Variants in SMIM35 observed in about 807,000 individuals in gnomAD.
SMIM35 encodes the protein small integral membrane protein 35.
At chr11:118,035,230 T>G (rs187537470) in intron 1 of SMIM35, among the ~76,000 whole-genome samples, 5 of 147,398 alleles carry the variant, frequency 3.4e-5, no homozygotes, top group Admixed American at 7.5e-5. Flanking sequence ...CGTCTGAAAT[T>G]TAAACAACTT....
intron 1 of SMIM35, among the ~76,000 whole-genome samples, chr11:118,020,218 A>G (rs1438865821): frequency 1.3e-5 from 2 of 152,232 alleles, no homozygotes; most frequent in East Asian, 3.8e-4. Flanking sequence ...GTGAGCCAAG[A>G]TCGCACTAGT....
chr11:118,037,860 A>G (rs1167802394), intron 1 of SMIM35, among the ~76,000 whole-genome samples: 1 of 152,200 alleles, frequency 6.6e-6, no homozygotes, highest in African/African-American at 2.4e-5. Context: ...TCATCTAGAA[A>G]GAAGCTGCTG....
chr11:118,028,897 A>T (rs1216077773), intron 1 of SMIM35: 4 of 431,712 alleles, frequency 9.3e-6, no homozygotes, highest in South Asian at 6.7e-5. Flanking sequence ...GGAGGAGGGG[A>T]AGGAGGACAG....
At chr11:118,039,347 G>A (rs528050816) in intron 1 of SMIM35, among the ~76,000 whole-genome samples, 3 of 152,322 alleles carry the variant, frequency 2.0e-5, no homozygotes, top group Non-Finnish European at 2.9e-5. Context: ...AACTGGATCA[G>A]ACCAACACAG....
intron 1 of SMIM35, among the ~76,000 whole-genome samples, chr11:118,026,848 C>T (rs1221477054): frequency 1.3e-5 from 2 of 151,932 alleles, no homozygotes; most frequent in Admixed American, 6.6e-5. Flanking sequence ...ATATAAGTCT[C>T]GGTAGCCAAG....
At chr11:118,076,591 G>T (rs1483404708) in intron 1 of SMIM35, among the ~76,000 whole-genome samples, 1 of 152,140 alleles carries the variant, frequency 6.6e-6, no homozygotes, top group African/African-American at 2.4e-5. Flanking sequence ...TAGTACATTG[G>T]CTCTGTGCAG....
intron 1 of SMIM35, among the ~76,000 whole-genome samples, chr11:118,060,529 T>C (rs1056606162): frequency 2.0e-5 from 3 of 152,208 alleles, no homozygotes; most frequent in African/African-American, 4.8e-5. Context: ...CAGGCAGCCC[T>C]GGGAAGCCTT....
At chr11:118,018,859 T>A (rs187569514) in intron 1 of SMIM35, among the ~76,000 whole-genome samples, 185 of 152,340 alleles carry the variant, frequency 1.2e-3, no homozygotes, top group African/African-American at 4.3e-3. Context: ...GTCTTTTTTT[T>A]AATACTTTTA....
chr11:118,077,358 G>C (rs1035796156), intron 1 of SMIM35: 2 of 1,551,932 alleles, frequency 1.3e-6, no homozygotes, highest in African/African-American at 2.7e-5. Context: ...GTCTCCCCAT[G>C]TAAGGCCCTT....
intron 2 of SMIM35, 113 bp from the exon 3 acceptor site, chr11:118,014,854 G>T (rs2058170847): frequency 5.0e-6 from 2 of 397,156 alleles, no homozygotes; most frequent in African/African-American, 4.1e-5. Context: ...AGGGTGGCTG[G>T]GCTGGACCTC....
In SMIM35 at chr11:118,012,863, C is replaced by T. The variant is rs557388704; in HGVS notation, c.*33+885G>A. 3.3e-5 allele frequency among the ~76,000 whole-genome samples: 5 copies of T among 152,332 alleles called. No individual in the cohort carries two copies. The East Asian group carries it at 9.6e-4, about 29-fold the overall frequency. On this transcript the variant is annotated intron_variant, in intron 4 of 4. Coordinates refer to ENST00000689828, the MANE Select transcript of SMIM35 (RefSeq NM_001394165.1). ...GAAGCTATGAGTGGCTTTCTGGCCC[C>T]TGGTCAACCCTACAAGGGCAGGTAA... is the stretch of plus-strand genomic sequence containing the variant.
intron 1 of SMIM35, among the ~76,000 whole-genome samples, chr11:118,064,559 C>T (rs879859886): frequency 6.6e-6 from 1 of 152,198 alleles, no homozygotes; most frequent in Admixed American, 6.5e-5. Flanking sequence ...GCTGGGACTA[C>T]AGGCATGTGC....
At chr11:118,015,068 G>A (rs993274795) in intron 2 of SMIM35, among the ~76,000 whole-genome samples, 6 of 152,242 alleles carry the variant, frequency 3.9e-5, no homozygotes, top group African/African-American at 1.4e-4. Context: ...TTCCTCATGT[G>A]GAATTTTAAA....
At chr11:118,030,702 A>G (rs1044291703) in intron 1 of SMIM35, among the ~76,000 whole-genome samples, 2 of 151,842 alleles carry the variant, frequency 1.3e-5, no homozygotes, top group African/African-American at 4.8e-5. Context: ...GTCAGGGCTG[A>G]GCAGGAAGAG....
chr11:118,037,590 T>C (rs541422799), intron 1 of SMIM35, among the ~76,000 whole-genome samples: 17 of 152,192 alleles, frequency 1.1e-4, no homozygotes, highest in African/African-American at 3.9e-4. Flanking sequence ...GATAAACAAG[T>C]TCCCCCTCTT....
intron 1 of SMIM35, among the ~76,000 whole-genome samples, chr11:118,026,889 A>G (rs2058278601): frequency 6.6e-6 from 1 of 152,202 alleles, no homozygotes; most frequent in Non-Finnish European, 1.5e-5. Context: ...GCCTCTTCAC[A>G]AAATCCAAAT....
chr11:118,053,166 G>A (rs950286747), intron 1 of SMIM35, among the ~76,000 whole-genome samples: 1 of 152,166 alleles, frequency 6.6e-6, no homozygotes, highest in African/African-American at 2.4e-5. Flanking sequence ...ATTTAGCCAG[G>A]CGTGTTGGCA....
At chr11:118,078,520 T>C (rs1156630225) in intron 1 of SMIM35, among the ~76,000 whole-genome samples, 1 of 152,154 alleles carries the variant, frequency 6.6e-6, no homozygotes, top group Non-Finnish European at 1.5e-5. Flanking sequence ...GGGCTTCCCT[T>C]TGAGCCAGGA....
intron 1 of SMIM35, among the ~76,000 whole-genome samples, chr11:118,027,546 A>G (rs1193451307): frequency 1.3e-5 from 2 of 152,232 alleles, no homozygotes; most frequent in East Asian, 1.9e-4. Flanking sequence ...TACTTGTTCT[A>G]TAAAACAATT....
Sources: allele counts gnomAD v4.1 joint callset (sites outside exome capture counted in the v4.1 genomes callset), GRCh38; gene constraint gnomAD v4.1.1; transcripts MANE v1.5; gene names NCBI Gene and HGNC (gene_info 2026-07-23, HGNC 2026-07-21).